The following LHPP variants were observed in gnomAD, a reference collection of about 807,000 sequenced individuals.
LHPP encodes phospholysine phosphohistidine inorganic pyrophosphate phosphatase, also known as hLHPP.
LHPP carries 24 observed loss-of-function variants against 30.3 expected under a neutral mutation model. The ratio of observed to expected loss-of-function variants is 0.79; its 90% CI spans 0.57 to 1.11. The LOEUF (loss-of-function observed/expected upper bound fraction) is 1.11, where lower values mean the gene tolerates loss of function less well. Among genes scored for constraint, LHPP ranks in the 50% most tolerant of loss-of-function variants. LHPP has a pLI of 0.00. For missense variants in LHPP, 356 were observed against 367.2 expected, an observed-to-expected ratio of 0.97 and a Z score of 0.25; for synonymous variants, 150 against 157.1, an observed-to-expected ratio of 0.95 and a Z score of 0.34.
chr10:124,568,161 G>A (rs909335685), intron 6 of LHPP, among the ~76,000 whole-genome samples: 1 of 152,108 alleles, frequency 6.6e-6, no homozygotes, highest in Non-Finnish European at 1.5e-5. Context: ...TGATCCGCCC[G>A]CCTCAGCCTC....
At position 124,484,541 on chromosome 10, in the gene LHPP, G is replaced by A. The variant is rs543433445; in HGVS notation, c.313+215G>A. 1.4e-4 allele frequency among the ~76,000 whole-genome samples: 22 copies of A among 151,972 alleles called. No individual in the cohort carries two copies. The South Asian group carries it at 3.5e-3, about 24-fold the overall frequency. On this transcript the variant is annotated intron_variant, in intron 2 of 6. Coordinates refer to ENST00000368842, the MANE Select transcript of LHPP (RefSeq NM_022126.4). ...GTCCATTCCTTGGCCTCACACCAGA[G>A]GGTCCTTAGAGCAGGTTCTGGATGG... is the stretch of plus-strand genomic sequence containing the variant.
intron 6 of LHPP, among the ~76,000 whole-genome samples, chr10:124,533,275 G>A (rs1462747117): frequency 2.0e-5 from 3 of 152,228 alleles, no homozygotes; most frequent in African/African-American, 4.8e-5. Flanking sequence ...TGGAAAACTC[G>A]CCCAGGGACC....
intron 6 of LHPP, among the ~76,000 whole-genome samples, chr10:124,521,600 G>A (rs1227568469): frequency 6.6e-6 from 1 of 152,010 alleles, no homozygotes; most frequent in East Asian, 1.9e-4. Context: ...GGGGGAGGAG[G>A]GGTGGCCTTG....
Position 124,484,306 on chromosome 10 carries a change from C to G in LHPP, c.293C>G (p.Pro98Arg), listed in dbSNP as rs1953247461. The G allele has an allele frequency of 1.2e-6, 2 of 1,613,144 alleles. No individual in the cohort carries two copies. The highest frequency in any genetic ancestry group is 2.7e-5 in the African/African-American group (2 of 74,910). ...CQILKEQGLR[P>R]YLLIHDGVRS... ...ATCCTGAAGGAGCAAGGCCTGCGAC[C>G]ATACCTGCTCATCCATGACGGTAGG... Residue 98 changes from proline (P) to arginine (R), a missense_variant, in exon 2 of 7, where the codon CCA becomes CGA. Transcript: ENST00000368842.
intron 1 of LHPP, among the ~76,000 whole-genome samples, chr10:124,470,263 TGGG>T (rs2133816848): frequency 6.6e-6 from 1 of 152,268 alleles, no homozygotes; most frequent in African/African-American, 2.4e-5. Flanking sequence ...CATCCTGTCT[TGGG>T]CCACTAAAGC....
At chr10:124,547,758 T>C (rs963006383) in intron 6 of LHPP, among the ~76,000 whole-genome samples, 1 of 152,230 alleles carries the variant, frequency 6.6e-6, no homozygotes, top group Non-Finnish European at 1.5e-5. Context: ...TCGGGCGTCC[T>C]GGGCCCTGGC....
chr10:124,531,375 C>T (rs924490508), intron 6 of LHPP, among the ~76,000 whole-genome samples: 1 of 152,218 alleles, frequency 6.6e-6, no homozygotes, highest in African/African-American at 2.4e-5. Flanking sequence ...GCAGCCTTCT[C>T]ATTTTCAAAT....
intron 4 of LHPP, 80 bp from the exon 5 acceptor site, chr10:124,497,956 T>A (rs1265404714): frequency 8.7e-7 from 1 of 1,143,254 alleles, no homozygotes; most frequent in South Asian, 1.2e-5. Flanking sequence ...GGGGGCACAT[T>A]TGGGACAGTG....
intron 6 of LHPP, among the ~76,000 whole-genome samples, chr10:124,540,268 C>T (rs1484840960): frequency 6.6e-6 from 1 of 152,198 alleles, no homozygotes; most frequent in African/African-American, 2.4e-5. Context: ...TCCTGCAGCC[C>T]AGGCACATAG....
chr10:124,527,032 A>G (rs1954757941), intron 6 of LHPP, among the ~76,000 whole-genome samples: 1 of 152,184 alleles, frequency 6.6e-6, no homozygotes, highest in Admixed American at 6.5e-5. Context: ...GCTCTGCTGG[A>G]TGCCCCCAGG....
chr10:124,611,289 A>G (rs971007145), intron 6 of LHPP, among the ~76,000 whole-genome samples: 1 of 152,040 alleles, frequency 6.6e-6, no homozygotes. Flanking sequence ...AGTAGAACTC[A>G]GTCAGATCCC....
At chr10:124,473,798 A>T (rs1952861490) in intron 1 of LHPP, among the ~76,000 whole-genome samples, 2 of 152,086 alleles carry the variant, frequency 1.3e-5, no homozygotes, top group South Asian at 2.1e-4. Context: ...CTAAAAATAT[A>T]AAAAAATTAG....
intron 3 of LHPP, chr10:124,490,287 A>G: frequency 4.8e-6 from 1 of 206,996 alleles, no homozygotes; most frequent in Non-Finnish European, 1.0e-5. Flanking sequence ...GCCAGTCTCC[A>G]GACCGCTGTG....
chr10:124,609,800 C>T (rs1949143954), intron 6 of LHPP, among the ~76,000 whole-genome samples: 1 of 152,222 alleles, frequency 6.6e-6, no homozygotes, highest in South Asian at 2.1e-4. Context: ...CTGGGGCTCA[C>T]CCCCATTGCC....
intron 6 of LHPP, among the ~76,000 whole-genome samples, chr10:124,604,422 C>A (rs1706244291): frequency 2.0e-5 from 3 of 152,186 alleles, no homozygotes; most frequent in Admixed American, 6.5e-5. Context: ...CAGCAGGGAA[C>A]CCCATGGGCA....
Position 124,592,303 on chromosome 10 carries a change from A to C in LHPP, c.717-20961A>C, listed in dbSNP as rs1230654805. On this transcript the variant is annotated intron_variant, in intron 6 of 6. Coordinates refer to ENST00000368842, the MANE Select transcript of LHPP (RefSeq NM_022126.4). This position sits in a 1 kb window ranked among gnomAD's most constrained non-coding sequence, Gnocchi z 6.2. ...GGCTCCTCAACCCTCTCAGCACCCC[A>C]AAGAGGGAAGTCCCATCACCCTCAC... Among the ~76,000 whole-genome samples the C allele has an allele frequency of 1.3e-5, 2 of 152,058 alleles. No individual in the cohort carries two copies. The highest frequency in any genetic ancestry group is 2.4e-5 in the African/African-American group (1 of 41,420).
chr10:124,591,008 G>A (rs1447760320), intron 6 of LHPP, among the ~76,000 whole-genome samples: 2 of 152,206 alleles, frequency 1.3e-5, no homozygotes, highest in Admixed American at 1.3e-4. Flanking sequence ...TCAAATGTGA[G>A]GAATTCCTGT....
chr10:124,505,522 C>A (rs1040626849), intron 5 of LHPP, among the ~76,000 whole-genome samples: 2 of 152,174 alleles, frequency 1.3e-5, no homozygotes, highest in African/African-American at 4.8e-5. Context: ...TTTAACCTTT[C>A]CTCAGTGGCC....
At chr10:124,476,532 G>A (rs1200358635) in intron 1 of LHPP, among the ~76,000 whole-genome samples, 1 of 152,110 alleles carries the variant, frequency 6.6e-6, no homozygotes, top group Non-Finnish European at 1.5e-5. Flanking sequence ...TGGTGCGCGC[G>A]CCAGGGTGGG....
Sources: allele counts gnomAD v4.1 joint callset (sites outside exome capture counted in the v4.1 genomes callset), GRCh38; gene constraint gnomAD v4.1.1; non-coding constraint Gnocchi (gnomAD v3.1); transcripts MANE v1.5; gene names NCBI Gene and HGNC (gene_info 2026-07-23, HGNC 2026-07-21).